Variants in GIPC2 observed in about 807,000 individuals in gnomAD.
GIPC2 encodes PDZ domain-containing protein GIPC2.
In GIPC2, 30 loss-of-function variants were observed where a neutral mutation model predicts 30.6. The ratio of observed to expected loss-of-function variants is 0.98; its 90% CI spans 0.73 to 1.33. GIPC2 has a LOEUF of 1.33. GIPC2 is among the 40% of genes most tolerant of loss of function. The probability of loss-of-function intolerance (pLI) is 0.00; values close to 1 mark genes in which losing one functional copy is unlikely to be tolerated. For missense variants in GIPC2, 414 were observed against 390.3 expected (o/e 1.06, Z -0.51); for synonymous variants, 167 against 150.0 (o/e 1.11, Z -0.83).
intron 3 of GIPC2, among the ~76,000 whole-genome samples, chr1:78,106,774 A>G (rs538973325): frequency 8.5e-5 from 13 of 152,188 alleles, no homozygotes; most frequent in African/African-American, 3.1e-4. Flanking sequence ...TCTGTTGCCC[A>G]GGTTCAAGTG....
intron 1 of GIPC2, among the ~76,000 whole-genome samples, chr1:78,067,725 A>G (rs1285453390): frequency 6.6e-6 from 1 of 152,182 alleles, no homozygotes; most frequent in Non-Finnish European, 1.5e-5. Flanking sequence ...TGCTGGGATT[A>G]TAGGCGTGAG....
chr1:78,129,035 A>ATAAATG (rs1557552602), intron 5 of GIPC2, among the ~76,000 whole-genome samples: 16 of 125,632 alleles, frequency 1.3e-4, no homozygotes, highest in Admixed American at 9.7e-4. Flanking sequence ...AATAAATGAA[A>ATAAATG]AAAAAAAGAA....
chr1:78,073,108 C>CTT (rs781384738), intron 1 of GIPC2, among the ~76,000 whole-genome samples: 7 of 137,596 alleles, frequency 5.1e-5, no homozygotes, highest in African/African-American at 8.0e-5. Flanking sequence ...CATGCCCGGC[C>CTT]TTTTTTTTTT....
chr1:78,123,172 A>T (rs1181436897), intron 4 of GIPC2, among the ~76,000 whole-genome samples: 1 of 151,110 alleles, frequency 6.6e-6, no homozygotes, highest in Non-Finnish European at 1.5e-5. Flanking sequence ...AGGCAGGAGA[A>T]TCACTTGAGC....
At chr1:78,071,147 A>G (rs1055228846) in intron 1 of GIPC2, among the ~76,000 whole-genome samples, 9 of 152,232 alleles carry the variant, frequency 5.9e-5, no homozygotes, top group African/African-American at 1.9e-4. Context: ...TGCATATTTT[A>G]AAACTAATCC....
chr1:78,128,404 A>G lies in GIPC2; in HGVS notation c.796+2442A>G, dbSNP rs1202325150. Among the ~76,000 whole-genome samples, 5 of 152,234 alleles carry G rather than the reference A, an allele frequency of 3.3e-5. No individual in the cohort carries two copies. The East Asian group carries it at 9.6e-4, about 29-fold the overall frequency. On this transcript the variant is annotated intron_variant, in intron 5 of 5. Transcript: ENST00000370759. ...CATGCTGTGGTCTGGAGTGAATCAC[A>G]GACACAGGGCCTAGGAAAAGATCTA...
upstream of GIPC2, chr1:78,045,704 G>A (rs1375166133): frequency 1.0e-6 from 1 of 985,346 alleles, no homozygotes; most frequent in East Asian, 1.1e-4. Context: ...GCCAAATCAT[G>A]CGTGGGTGCC....
rs117169643 is a variant in GIPC2 at position 78,049,955 on chromosome 1, G to A, written c.240+3621G>A. Among the ~76,000 whole-genome samples, 216 of 141,774 alleles carry A rather than the reference G, an allele frequency of 1.5e-3. 6 individuals carry two copies. In the East Asian group the frequency reaches 0.032, roughly 21 times the overall value. 93.0% of individuals were successfully genotyped at this position (141,774 alleles called of 152,430 possible). A position where few individuals can be genotyped will look rare whatever the true frequency, so the allele number is the denominator to read the frequency against. On this transcript the variant is annotated intron_variant, in intron 1 of 5. Coordinates refer to ENST00000370759, the MANE Select transcript of GIPC2 (RefSeq NM_017655.6). ...TCTGTCGCCCAGGTTGAAGTGCAAC[G>A]GTGTGATCGTGGCTCACTGCAACCT...
intron 1 of GIPC2, among the ~76,000 whole-genome samples, chr1:78,050,940 T>TA (rs1300941054): frequency 6.6e-6 from 1 of 152,182 alleles, no homozygotes; most frequent in African/African-American, 2.4e-5. Context: ...GGCCAATACA[T>TA]ACCATCTTTT....
chr1:78,105,182 TA>T (rs1052258560), intron 3 of GIPC2, among the ~76,000 whole-genome samples: 32 of 152,322 alleles, frequency 2.1e-4, no homozygotes, highest in African/African-American at 6.0e-4. Flanking sequence ...GCTCAGTTTT[TA>T]ATCTGAGAAA....
intron 1 of GIPC2, among the ~76,000 whole-genome samples, chr1:78,078,742 T>G (rs1452227206): frequency 1.3e-5 from 2 of 151,598 alleles, no homozygotes; most frequent in Non-Finnish European, 2.9e-5. Context: ...TGTTATACCA[T>G]CATGGTATTT....
chr1:78,124,731 C>T (rs970613349), intron 4 of GIPC2, among the ~76,000 whole-genome samples: 3 of 152,108 alleles, frequency 2.0e-5, no homozygotes, highest in Non-Finnish European at 4.4e-5. Flanking sequence ...CTTGGCTGGG[C>T]GTGATGGCTC....
chr1:78,060,367 A>T (rs1015210532), intron 1 of GIPC2, among the ~76,000 whole-genome samples: 3 of 150,684 alleles, frequency 2.0e-5, no homozygotes, highest in Non-Finnish European at 4.4e-5. Context: ...CTGGTCTCAA[A>T]CTCCTGAGCT....
intron 2 of GIPC2, chr1:78,091,543 G>A (rs1195753217): frequency 2.7e-6 from 2 of 753,634 alleles, no homozygotes; most frequent in Non-Finnish European, 5.0e-6. Context: ...AGGAGGACCT[G>A]CTCCTGCAGG....
chr1:78,068,049 C>T (rs142101798), intron 1 of GIPC2, among the ~76,000 whole-genome samples: 4 of 152,132 alleles, frequency 2.6e-5, no homozygotes, highest in African/African-American at 9.6e-5. Context: ...CTAAGTTGAA[C>T]ATTTCAGTTA....
In GIPC2 at chr1:78,119,374, C is replaced by T; in HGVS notation, c.608-19C>T. On this transcript the variant is annotated intron_variant, in intron 3 of 5. Coordinates refer to ENST00000370759, the MANE Select transcript of GIPC2 (RefSeq NM_017655.6). ...TGCTTTCTGTGTATATGTATGTTTC[C>T]CTGTTCATTGTATTGTAGAAATAGA... is the stretch of plus-strand genomic sequence containing the variant. 1 of 1,358,444 alleles carries T rather than the reference C, an allele frequency of 7.4e-7. No individual in the cohort carries two copies. Among genetic ancestry groups the T allele is most frequent in the Non-Finnish European group, 1.1e-6 (1 of 948,408 alleles). 84.1% of individuals were successfully genotyped at this position (1,358,444 alleles called of 1,614,324 possible).
At chr1:78,098,761 A>G (rs1323852300) in intron 3 of GIPC2, among the ~76,000 whole-genome samples, 2 of 151,804 alleles carry the variant, frequency 1.3e-5, no homozygotes, top group East Asian at 1.9e-4. Context: ...CCCTAATCCA[A>G]TATGACTGGT....
At chr1:78,058,272 A>T (rs1005889064) in intron 1 of GIPC2, among the ~76,000 whole-genome samples, 2 of 152,334 alleles carry the variant, frequency 1.3e-5, no homozygotes, top group East Asian at 3.9e-4. Flanking sequence ...CGTGAGGGGT[A>T]CATGAAAAAT....
At chr1:78,115,820 C>T (rs915046494) in intron 3 of GIPC2, among the ~76,000 whole-genome samples, 4 of 152,176 alleles carry the variant, frequency 2.6e-5, no homozygotes, top group Admixed American at 2.6e-4. Flanking sequence ...TAATTGTATT[C>T]TCAGAGGAAG....
Sources: allele counts gnomAD v4.1 joint callset (sites outside exome capture counted in the v4.1 genomes callset), GRCh38; gene constraint gnomAD v4.1.1; transcripts MANE v1.5; gene names NCBI Gene and HGNC (gene_info 2026-07-23, HGNC 2026-07-21).